The following PTPRJ variants were observed in gnomAD, a reference collection of about 807,000 sequenced individuals.
PTPRJ encodes receptor-type tyrosine-protein phosphatase eta.
Under a neutral mutation model 141.3 loss-of-function variants are expected in PTPRJ, and 129 were observed. The ratio of observed to expected loss-of-function variants is 0.91; its 90% CI spans 0.79 to 1.06. The LOEUF is 1.06. Ranked by LOEUF, PTPRJ falls within the 50% of genes least tolerant of loss-of-function variation. The pLI is 0.00. For synonymous variants in PTPRJ, 610 were observed against 640.5 expected, an observed-to-expected ratio of 0.95 and a Z score of 0.72; for missense variants, 1,601 against 1,679.7, an observed-to-expected ratio of 0.95 and a Z score of 0.82.
At chr11:48,092,452 C>T (rs192078443) in intron 1 of PTPRJ, among the ~76,000 whole-genome samples, 29 of 150,558 alleles carry the variant, frequency 1.9e-4, no homozygotes, top group African/African-American at 7.1e-4. Context: ...TTTTTTGAGA[C>T]AGAGTCTTGC....
At chr11:48,099,996 G>A (rs2134311704) in intron 1 of PTPRJ, among the ~76,000 whole-genome samples, 1 of 152,220 alleles carries the variant, frequency 6.6e-6, no homozygotes, top group Non-Finnish European at 1.5e-5. Context: ...GGACTTTCTT[G>A]GCACGTGGGG....
chr11:47,985,930 A>G (rs1165246451), intron 1 of PTPRJ, among the ~76,000 whole-genome samples: 1 of 151,598 alleles, frequency 6.6e-6, no homozygotes, highest in African/African-American at 2.4e-5. Context: ...TGAACTCCCA[A>G]CCTCAGGTGA....
chr11:48,150,089 T>C lies in PTPRJ; in HGVS notation c.3051-7T>C. 6.2e-7 allele frequency: 1 copy of C among 1,611,304 alleles called. No individual in the cohort carries two copies. The highest frequency in any genetic ancestry group is 8.5e-7 in the Non-Finnish European group (1 of 1,178,152). ...GTAAAAAATCCTGATAAGTTTTGTT[T>C]TCTTAGATCTAAGTTAATCAGAGTG... On this transcript the variant is annotated splice_region_variant and splice_polypyrimidine_tract_variant and intron_variant, in intron 17 of 24. Coordinates refer to ENST00000418331, the MANE Select transcript of PTPRJ (RefSeq NM_002843.4).
At chr11:47,986,079 C>G (rs1435192543) in intron 1 of PTPRJ, among the ~76,000 whole-genome samples, 1 of 152,180 alleles carries the variant, frequency 6.6e-6, no homozygotes, top group Non-Finnish European at 1.5e-5. Flanking sequence ...CCCTCTTCAT[C>G]CTTCCAAGTA....
At position 48,125,049 on chromosome 11, in the gene PTPRJ, C is replaced by T. The variant is rs1565315155; in HGVS notation, c.956C>T (p.Pro319Leu). 6.2e-7 allele frequency: 1 copy of T among 1,614,168 alleles called. No homozygotes were observed. The highest frequency in any genetic ancestry group is 8.5e-7 in the Non-Finnish European group (1 of 1,180,018). Residue 319 changes from proline (P) to leucine (L), a missense_variant, in exon 6 of 25, where the codon CCA becomes CTA. Coordinates refer to ENST00000418331, the MANE Select transcript of PTPRJ (RefSeq NM_002843.4). ...GAGTCCCTCGTGGGACCTGTGGACCCATCCTCCGGCCAGCAGTCCCGAGAC... is the reference window on the plus strand; with the variant it reads ...GAGTCCCTCGTGGGACCTGTGGACCTATCCTCCGGCCAGCAGTCCCGAGAC... ...HDESLVGPVD[P>L]SSGQQSRDTE...
intron 1 of PTPRJ, among the ~76,000 whole-genome samples, chr11:47,985,570 G>A (rs955093592): frequency 1.1e-4 from 17 of 152,184 alleles, no homozygotes; most frequent in Admixed American, 5.2e-4. Flanking sequence ...ACTACGTGGC[G>A]GAGCCAGGGC....
chr11:48,027,171 A>AT (rs959364132), intron 1 of PTPRJ, among the ~76,000 whole-genome samples: 48 of 148,320 alleles, frequency 3.2e-4, no homozygotes, highest in African/African-American at 8.4e-4. Flanking sequence ...CGCCCAGCTA[A>AT]TTTTTTTTTG....
At chr11:48,016,771 G>T (rs1281095228) in intron 1 of PTPRJ, among the ~76,000 whole-genome samples, 1 of 152,114 alleles carries the variant, frequency 6.6e-6, no homozygotes. Context: ...GCTAATGATG[G>T]TGGTGATGGT....
intron 1 of PTPRJ, among the ~76,000 whole-genome samples, chr11:47,983,316 T>C (rs1853961749): frequency 6.6e-6 from 1 of 152,268 alleles, no homozygotes; most frequent in African/African-American, 2.4e-5. Context: ...TTCTGAAGTT[T>C]GTTTAGGAAA....
At chr11:48,130,084 C>G (rs541696068) in intron 7 of PTPRJ, among the ~76,000 whole-genome samples, 120 of 151,366 alleles carry the variant, frequency 7.9e-4, no homozygotes, top group African/African-American at 2.5e-3. Flanking sequence ...AGACTGGTCT[C>G]TCTCTGCTGT....
At chr11:48,005,681 G>A (rs1216358172) in intron 1 of PTPRJ, among the ~76,000 whole-genome samples, 1 of 152,166 alleles carries the variant, frequency 6.6e-6, no homozygotes, top group South Asian at 2.1e-4. Flanking sequence ...GTGTTTGTGT[G>A]GCCACGGGTT....
At chr11:47,996,334 CAAAA>C (rs1292092161) in intron 1 of PTPRJ, among the ~76,000 whole-genome samples, 1 of 56,200 alleles carries the variant, frequency 1.8e-5, no homozygotes. Context: ...GACTCTGTCT[CAAAA>C]AAAAAAAAAA....
intron 1 of PTPRJ, among the ~76,000 whole-genome samples, chr11:48,044,304 G>T (rs886459284): frequency 6.6e-6 from 1 of 152,234 alleles, no homozygotes; most frequent in African/African-American, 2.4e-5. Flanking sequence ...CACCTCGGGG[G>T]TGGGAAATGT....
At chr11:48,155,403 A>C (rs1565331125) in intron 19 of PTPRJ, among the ~76,000 whole-genome samples, 3 of 152,196 alleles carry the variant, frequency 2.0e-5, no homozygotes. Context: ...GAAACAGGGC[A>C]GTGGCTTGTA....
At chr11:48,143,410 T>C (rs1857278505) in intron 12 of PTPRJ, among the ~76,000 whole-genome samples, 3 of 152,198 alleles carry the variant, frequency 2.0e-5, no homozygotes, top group Admixed American at 2.0e-4. Context: ...GGCCCATAAC[T>C]TGCTGATCTG....
Position 48,127,783 on chromosome 11 carries a change from C to A in PTPRJ, c.1097C>A (p.Ala366Asp). The A allele has an allele frequency of 1.2e-6, 2 of 1,613,978 alleles. No individual in the cohort carries two copies. Among genetic ancestry groups the A allele is most frequent in the South Asian group, 1.1e-5 (1 of 91,072 alleles). Residue 366 changes from alanine (A) to aspartate (D), a missense_variant, in exon 7 of 25, where the codon GCT becomes GAT. Physicochemically the swap from Ala to Asp is moderately radical, Grantham distance 126. Transcript: ENST00000418331. Reference protein sequence around the residue: ...QPQAIEFRTNAIQVFDVTAVN... With the variant: ...QPQAIEFRTNDIQVFDVTAVN... ...AACTCCTCTTGTGTTCTCACAGATG[C>A]TATTCAGGTTTTTGACGTCACCGCT...
In PTPRJ at chr11:48,057,294, G is replaced by A. The variant is rs72899741; in HGVS notation, c.97-52764G>A. On this transcript the variant is annotated intron_variant, in intron 1 of 24. Coordinates refer to ENST00000418331, the MANE Select transcript of PTPRJ (RefSeq NM_002843.4). ...GGGCTAATAAAAGCTCTGGGTAAAC[G>A]TTAGTTGTTCTTTTAAATGTCCTGA... Among the ~76,000 whole-genome samples the A allele has an allele frequency of 4.6e-5, 7 of 151,600 alleles. No individual in the cohort carries two copies. In the East Asian group the frequency reaches 5.8e-4, roughly 13 times the overall value.
At chr11:48,069,190 C>T (rs1008896672) in intron 1 of PTPRJ, among the ~76,000 whole-genome samples, 3 of 151,686 alleles carry the variant, frequency 2.0e-5, no homozygotes, top group Non-Finnish European at 4.4e-5. Context: ...ACCTCCGCCT[C>T]CCGGGATAAA....
intron 1 of PTPRJ, among the ~76,000 whole-genome samples, chr11:48,071,661 T>C (rs1291337872): frequency 7.8e-6 from 1 of 128,784 alleles, no homozygotes; most frequent in African/African-American, 3.0e-5. Context: ...CAGGCTGGAG[T>C]GCAGTGGCGC....
Sources: gnomAD v4.1 joint callset for allele counts (sites outside exome capture counted in the v4.1 genomes callset) on GRCh38, gnomAD v4.1.1 for gene constraint, MANE v1.5 for transcripts, NCBI Gene and HGNC (gene_info 2026-07-23, HGNC 2026-07-21) for gene names.